Variants in MCC observed in about 807,000 individuals in gnomAD.
The protein encoded by MCC is colorectal mutant cancer protein.
MCC carries 90 observed loss-of-function variants against 116.2 expected under a neutral mutation model. That is an observed-to-expected ratio of 0.77 (90% CI 0.65 to 0.92). The LOEUF (loss-of-function observed/expected upper bound fraction) is 0.92, where lower values mean the gene tolerates loss of function less well. Ranked by LOEUF, MCC falls within the 40% of genes least tolerant of loss-of-function variation. The pLI is 0.00. For synonymous variants in MCC, 578 were observed against 510.5 expected, an observed-to-expected ratio of 1.13 and a Z score of -1.78; for missense variants, 1,516 against 1,312.2, an observed-to-expected ratio of 1.16 and a Z score of -2.40.
At position 113,333,846 on chromosome 5, in the gene MCC, T is replaced by TATATGTATATATGTAC. The variant is rs1767793760; in HGVS notation, c.627+6672_627+6673insGTACATATATACATAT. Among the ~76,000 whole-genome samples, 5 of 62,640 alleles carry TATATGTATATATGTAC rather than the reference T, an allele frequency of 8.0e-5. 1 individual carries two copies. The highest frequency in any genetic ancestry group is 3.5e-4 in the African/African-American group (5 of 14,464). The allele number at this position is 62,640 out of a possible 152,430, so 41.1% of individuals were successfully genotyped here. On this transcript the variant is annotated intron_variant, in intron 3 of 18. Transcript: ENST00000408903. ...ATATATGTATATATGTATATATGTA[T>TATATGTATATATGTAC]ATATGTACATATATGTATATATGTA... is the stretch of plus-strand genomic sequence containing the variant.
At chr5:113,246,596 G>A (rs146767089) in intron 3 of MCC, among the ~76,000 whole-genome samples, 296 of 152,324 alleles carry the variant, frequency 1.9e-3, no homozygotes, top group African/African-American at 6.8e-3. Flanking sequence ...GGATACAGAG[G>A]CTGAGAGCCA....
At chr5:113,327,482 G>A (rs1767587514) in intron 3 of MCC, among the ~76,000 whole-genome samples, 1 of 145,542 alleles carries the variant, frequency 6.9e-6, no homozygotes, top group South Asian at 2.2e-4. Flanking sequence ...GGAGGCAGAG[G>A]TTGCAGTGAG....
intron 1 of MCC, among the ~76,000 whole-genome samples, chr5:113,479,347 C>T (rs949108820): frequency 2.6e-5 from 4 of 152,132 alleles, no homozygotes; most frequent in Non-Finnish European, 5.9e-5. Flanking sequence ...GGAAGGGGCA[C>T]AGGAAACTTG....
rs867777475 is a variant in MCC, at chr5:113,046,708, A to G, written c.2655+2385T>C. 4.3e-3 allele frequency among the ~76,000 whole-genome samples: 539 copies of G among 125,068 alleles called. 35 individuals are homozygous for G. In the East Asian group the frequency reaches 0.077, roughly 18 times the overall value. The allele number at this position is 125,068 out of a possible 152,430, so 82.0% of individuals were successfully genotyped here. A position where few individuals can be genotyped will look rare whatever the true frequency, so the allele number is the denominator to read the frequency against. On this transcript the variant is annotated intron_variant, in intron 16 of 18. Coordinates refer to ENST00000408903, the MANE Select transcript of MCC (RefSeq NM_001085377.2). ...GGCAAAAAAAAAAAAAAAAAAAAAA[A>G]AAAGAGAGAGATTTTGAAGGTGTTT...
intron 2 of MCC, among the ~76,000 whole-genome samples, chr5:113,367,487 T>G (rs975369597): frequency 6.6e-6 from 1 of 152,078 alleles, no homozygotes; most frequent in Non-Finnish European, 1.5e-5. Context: ...ACTTCTCATC[T>G]GTTTTCATTC....
rs150557848 is a variant in MCC, at chr5:113,037,554, G to C, written c.2756+5976C>G. ...CTAAAAATACAAAAATTAGCCAGGCGTGGTGGTGTGCACCTGTAGTCCAAG... is the reference window on the plus strand; with the variant it reads ...CTAAAAATACAAAAATTAGCCAGGCCTGGTGGTGTGCACCTGTAGTCCAAG... On this transcript the variant is annotated intron_variant, in intron 17 of 18. Coordinates refer to ENST00000408903, the MANE Select transcript of MCC (RefSeq NM_001085377.2). 1.8e-3 allele frequency among the ~76,000 whole-genome samples: 272 copies of C among 152,242 alleles called. 1 individual carries two copies. The highest frequency in any genetic ancestry group is 3.4e-3 in the Middle Eastern group (1 of 294).
rs780749536 is a variant in MCC at position 113,143,263 on chromosome 5, G to A, written c.839C>T (p.Ala280Val). 47 of 1,612,742 alleles carry A rather than the reference G, an allele frequency of 2.9e-5. No individual in the cohort carries two copies. Among genetic ancestry groups the A allele is most frequent in the Middle Eastern group, 1.6e-4 (1 of 6,080 alleles). The change falls in exon 5 of 19, where the codon GCG becomes GTG. Residue 280 changes from alanine to valine, a missense_variant. Transcript: ENST00000408903. The stretch of plus-strand genomic sequence containing the variant: ...ACGGTCTATCTTCTTGTTGAGCTCC[G>A]CAATGACGCTGTGGAGCTCTGTGAT... ...ERITELHSVIAELNKKIDRLQ... is the reference protein window; with the variant it reads ...ERITELHSVIVELNKKIDRLQ...
chr5:113,386,814 T>TACACATACAC (rs70973681), intron 1 of MCC, among the ~76,000 whole-genome samples: 5 of 149,792 alleles, frequency 3.3e-5, no homozygotes, highest in African/African-American at 9.9e-5. Flanking sequence ...CATATACACA[T>TACACATACAC]ACACATATAT....
chr5:113,067,994 T>C (rs890903733), intron 13 of MCC, 86 bp downstream of exon 13: 6 of 1,163,104 alleles, frequency 5.2e-6, no homozygotes, highest in African/African-American at 3.0e-5. Flanking sequence ...TGTCGGGAGA[T>C]GATTCAATGC....
At chr5:113,266,314 G>T (rs1478417031) in intron 3 of MCC, among the ~76,000 whole-genome samples, 1 of 151,742 alleles carries the variant, frequency 6.6e-6, no homozygotes, top group Non-Finnish European at 1.5e-5. Flanking sequence ...AAAAAATTCA[G>T]ACTAGATATT....
chr5:113,446,059 A>G (rs999135310), intron 1 of MCC, among the ~76,000 whole-genome samples: 15 of 152,224 alleles, frequency 9.9e-5, no homozygotes, highest in Non-Finnish European at 5.9e-5. Context: ...GAAGAATTCA[A>G]CTGAACCCCT....
At position 113,027,253 on chromosome 5, in the gene MCC, C is replaced by G; in HGVS notation, c.*49G>C. ...CATGGGCCCTTCTGTCCCCAGTGGC[C>G]TGCTGCAGTTTACTTCCCATGGGCA... On this transcript the variant is annotated 3_prime_UTR_variant, in exon 19 of 19. Coordinates refer to ENST00000408903, the MANE Select transcript of MCC (RefSeq NM_001085377.2). 2 of 1,594,236 alleles carry G rather than the reference C, an allele frequency of 1.3e-6. No homozygotes were observed. The highest frequency in any genetic ancestry group is 1.7e-6 in the Non-Finnish European group (2 of 1,167,410).
At chr5:113,067,386 G>A (rs914131087) in intron 13 of MCC, among the ~76,000 whole-genome samples, 9 of 152,186 alleles carry the variant, frequency 5.9e-5, no homozygotes, top group East Asian at 1.9e-4. Context: ...AGTGGCTCAC[G>A]CATGTAATCC....
At chr5:113,114,455 A>G (rs1757279613) in intron 6 of MCC, among the ~76,000 whole-genome samples, 1 of 152,232 alleles carries the variant, frequency 6.6e-6, no homozygotes. Flanking sequence ...AATTCTAGGC[A>G]GAAAAGGGCA....
At chr5:113,291,623 G>C (rs1391847252) in intron 3 of MCC, among the ~76,000 whole-genome samples, 1 of 152,286 alleles carries the variant, frequency 6.6e-6, no homozygotes, top group African/African-American at 2.4e-5. Flanking sequence ...CAGCATTGAG[G>C]CTCCTGGGCA....
rs181901016 is a variant in MCC, at chr5:113,312,020, C to T, written c.627+28499G>A. On this transcript the variant is annotated intron_variant, in intron 3 of 18. Coordinates refer to ENST00000408903, the MANE Select transcript of MCC (RefSeq NM_001085377.2). The stretch of plus-strand genomic sequence containing the variant: ...ACTCAGGAGGCTGAGGCAGGAGAAT[C>T]GCTTGAAACCGGGCGGCAGAGTTTG... 1.2e-3 allele frequency among the ~76,000 whole-genome samples: 190 copies of T among 152,288 alleles called. 6 individuals are homozygous for T. The East Asian group carries it at 0.02, about 16-fold the overall frequency.
intron 3 of MCC, among the ~76,000 whole-genome samples, chr5:113,205,647 A>G (rs1762883602): frequency 6.6e-6 from 1 of 152,268 alleles, no homozygotes; most frequent in Non-Finnish European, 1.5e-5. Flanking sequence ...AAAAGCATGA[A>G]TAGCTCTAAA....
chr5:113,339,745 A>C (rs1405420577), intron 3 of MCC, among the ~76,000 whole-genome samples: 1 of 152,226 alleles, frequency 6.6e-6, no homozygotes, highest in Admixed American at 6.5e-5. Context: ...TGCCTCAAAC[A>C]CAGAGTTTGA....
intron 6 of MCC, among the ~76,000 whole-genome samples, chr5:113,111,798 G>A (rs1757116613): frequency 6.6e-6 from 1 of 152,196 alleles, no homozygotes. Flanking sequence ...AAGGAGGTAA[G>A]AGGACATTCA....
Sources: allele counts gnomAD v4.1 joint callset (sites outside exome capture counted in the v4.1 genomes callset), GRCh38; gene constraint gnomAD v4.1.1; transcripts MANE v1.5; gene names NCBI Gene and HGNC (gene_info 2026-07-23, HGNC 2026-07-21).